The following DPP10 variants were observed in gnomAD, a reference collection of about 807,000 sequenced individuals.
The protein encoded by DPP10 is dipeptidyl peptidase like 10, also known as inactive dipeptidyl peptidase 10.
In DPP10, 33 loss-of-function variants were observed where a neutral mutation model predicts 120.9. The observed-to-expected ratio is 0.27, with a 90% CI of 0.21 to 0.37. The LOEUF (loss-of-function observed/expected upper bound fraction) is 0.37. DPP10 is among the 10% of genes least tolerant of loss of function. DPP10 has a pLI of 1.00. For synonymous variants in DPP10, 337 were observed against 326.1 expected (o/e 1.03, Z -0.36); for missense variants, 816 against 942.8 (o/e 0.87, Z 1.76).
At chr2:115,359,114 G>T (rs972259302) in intron 3 of DPP10, among the ~76,000 whole-genome samples, 1 of 152,156 alleles carries the variant, frequency 6.6e-6, no homozygotes, top group African/African-American at 2.4e-5. Context: ...TTCAAGTAGG[G>T]TGTTTAGATC....
intron 5 of DPP10, among the ~76,000 whole-genome samples, chr2:115,584,315 G>C (rs752139300): frequency 6.6e-6 from 1 of 152,144 alleles, no homozygotes; most frequent in Non-Finnish European, 1.5e-5. Context: ...GTGAGCAAAC[G>C]TAGTGGTCAT....
At chr2:115,372,171 A>G (rs2065456546) in intron 3 of DPP10, among the ~76,000 whole-genome samples, 1 of 152,194 alleles carries the variant, frequency 6.6e-6, no homozygotes, top group African/African-American at 2.4e-5. Context: ...TGGAAGGGAT[A>G]TAAGTCAAAG....
At chr2:115,820,411 T>C (rs1365674470) in intron 21 of DPP10, among the ~76,000 whole-genome samples, 1 of 152,084 alleles carries the variant, frequency 6.6e-6, no homozygotes, top group Non-Finnish European at 1.5e-5. Context: ...AATTTTTGTT[T>C]AGTGAATTGA....
intron 1 of DPP10, among the ~76,000 whole-genome samples, chr2:114,453,597 C>T (rs1055077890): frequency 3.3e-5 from 5 of 152,090 alleles, no homozygotes; most frequent in Non-Finnish European, 5.9e-5. Context: ...CATTGTAACA[C>T]CTGAATGCCC....
chr2:115,571,725 A>G (rs1183401504), intron 5 of DPP10, among the ~76,000 whole-genome samples: 1 of 142,514 alleles, frequency 7.0e-6, no homozygotes, highest in Non-Finnish European at 1.5e-5. Context: ...AGAAAAAAAT[A>G]TGTGCCATTA....
intron 2 of DPP10, among the ~76,000 whole-genome samples, chr2:115,331,153 G>A (rs938214632): frequency 1.2e-4 from 18 of 152,102 alleles, no homozygotes; most frequent in Non-Finnish European, 2.5e-4. Context: ...TCCCTTGTAA[G>A]TTGGATTCCT....
chr2:115,639,903 A>T (rs2086641452), intron 5 of DPP10, among the ~76,000 whole-genome samples: 1 of 152,034 alleles, frequency 6.6e-6, no homozygotes, highest in Non-Finnish European at 1.5e-5. Flanking sequence ...GAGAACAGAG[A>T]CTGAATTAGA....
chr2:114,832,002 C>T (rs2106403674), intron 1 of DPP10, among the ~76,000 whole-genome samples: 1 of 150,466 alleles, frequency 6.6e-6, no homozygotes, highest in African/African-American at 2.5e-5. Flanking sequence ...TAATTAAGAA[C>T]AATGTTTGCA....
intron 1 of DPP10, among the ~76,000 whole-genome samples, chr2:114,965,964 C>CAAAAAAAAAAAAAAAAAAAAAAAAA (rs57107624): frequency 9.4e-5 from 7 of 74,794 alleles, no homozygotes; most frequent in Non-Finnish European, 1.7e-4. Context: ...GACTCCTTCT[C>CAAAAAAAAAAAAAAAAAAAAAAAAA]AAAAAAAAAA....
Position 115,560,407 on chromosome 2 carries a change from T to A in DPP10, c.441+34435T>A, listed in dbSNP as rs1245977986. ...AAAAAAAAAAAAAAAAAAAAAAATA[T>A]ATATATATATATATATATATATATA... On this transcript the variant is annotated intron_variant, in intron 5 of 25. Coordinates refer to ENST00000410059, the MANE Select transcript of DPP10 (RefSeq NM_020868.6). 4.7e-3 allele frequency among the ~76,000 whole-genome samples: 68 copies of A among 14,518 alleles called. 2 individuals are homozygous for A. The highest frequency in any genetic ancestry group is 9.5e-3 in the African/African-American group (23 of 2,412). 9.5% of individuals were successfully genotyped at this position (14,518 alleles called of 152,430 possible).
intron 1 of DPP10, among the ~76,000 whole-genome samples, chr2:114,786,102 A>C (rs1324340301): frequency 3.3e-5 from 5 of 152,136 alleles, no homozygotes; most frequent in African/African-American, 4.8e-5. Flanking sequence ...TAAAAGTAAT[A>C]TTTTTCTTCT....
At chr2:115,393,422 C>T (rs535136259) in intron 3 of DPP10, among the ~76,000 whole-genome samples, 13 of 152,206 alleles carry the variant, frequency 8.5e-5, no homozygotes, top group Admixed American at 5.9e-4. Flanking sequence ...GAATGACCAT[C>T]GAATGTTTTA....
chr2:114,867,365 T>C (rs1399980048), intron 1 of DPP10, among the ~76,000 whole-genome samples: 1 of 152,190 alleles, frequency 6.6e-6, no homozygotes, highest in Admixed American at 6.5e-5. Context: ...TTTCAGAAGA[T>C]AATGCAATCA....
At chr2:115,545,308 C>T (rs372924402) in intron 5 of DPP10, among the ~76,000 whole-genome samples, 10 of 152,118 alleles carry the variant, frequency 6.6e-5, no homozygotes, top group Admixed American at 3.3e-4. Flanking sequence ...TGAGGAAATG[C>T]GGTAGGTAAT....
intron 1 of DPP10, among the ~76,000 whole-genome samples, chr2:114,891,245 A>C (rs959092517): frequency 2.6e-5 from 4 of 152,288 alleles, no homozygotes; most frequent in African/African-American, 9.6e-5. Context: ...ACTAGCGTCA[A>C]GTGGGAGATA....
chr2:114,955,053 G>C (rs1280132794), intron 1 of DPP10, among the ~76,000 whole-genome samples: 1 of 152,164 alleles, frequency 6.6e-6, no homozygotes, highest in East Asian at 1.9e-4. Context: ...GAGGATTCTT[G>C]GACCTTGCAT....
chr2:115,813,675 T>C (rs781544204), intron 19 of DPP10, among the ~76,000 whole-genome samples: 1 of 152,242 alleles, frequency 6.6e-6, no homozygotes, highest in Non-Finnish European at 1.5e-5. Context: ...ACTTACAGGA[T>C]TCCACACAAC....
At chr2:114,576,166 A>G (rs951051990) in intron 1 of DPP10, among the ~76,000 whole-genome samples, 1 of 152,246 alleles carries the variant, frequency 6.6e-6, no homozygotes, top group Non-Finnish European at 1.5e-5. Context: ...CAGTAAATAA[A>G]TGGCACATTC....
chr2:115,601,965 G>T (rs2083352307), intron 5 of DPP10, among the ~76,000 whole-genome samples: 1 of 152,006 alleles, frequency 6.6e-6, no homozygotes, highest in Non-Finnish European at 1.5e-5. Flanking sequence ...ACAGGTGTGA[G>T]CCACCGCGCC....
Sources: allele counts gnomAD v4.1 joint callset (sites outside exome capture counted in the v4.1 genomes callset), GRCh38; gene constraint gnomAD v4.1.1; transcripts MANE v1.5; gene names NCBI Gene and HGNC (gene_info 2026-07-23, HGNC 2026-07-21).